Variants in CORO2B observed in about 807,000 individuals in gnomAD.
CORO2B encodes the protein coronin 2B.
CORO2B carries 26 observed loss-of-function variants against 58.8 expected under a neutral mutation model. That is an observed-to-expected ratio of 0.44 (90% CI 0.32 to 0.61). The LOEUF (loss-of-function observed/expected upper bound fraction) is 0.61. CORO2B is among the 20% of genes least tolerant of loss of function. The probability of loss-of-function intolerance (pLI) is 0.04; values close to 1 mark genes in which losing one functional copy is unlikely to be tolerated. For synonymous variants in CORO2B, 242 were observed against 253.8 expected (o/e 0.95, Z 0.44); for missense variants, 460 against 645.1 (o/e 0.71, Z 3.11).
intron 1 of CORO2B, among the ~76,000 whole-genome samples, chr15:68,641,332 T>C (rs1901218467): frequency 6.6e-6 from 1 of 152,134 alleles, no homozygotes; most frequent in Admixed American, 6.5e-5. Flanking sequence ...CAACAGGAGA[T>C]GGATAAGGAG....
chr15:68,577,415 C>T (rs1899308608), upstream of CORO2B, among the ~76,000 whole-genome samples: 2 of 152,092 alleles, frequency 1.3e-5, no homozygotes, highest in Admixed American at 6.5e-5. Flanking sequence ...TTTAGGACTC[C>T]CAAGAAAATG....
intron 1 of CORO2B, among the ~76,000 whole-genome samples, chr15:68,621,968 G>A (rs1430079928): frequency 1.3e-5 from 2 of 151,936 alleles, no homozygotes; most frequent in Non-Finnish European, 2.9e-5. Context: ...TTCTCACTAT[G>A]TTGCCCAGGC....
chr15:68,720,356 A>G (rs1190672285), intron 11 of CORO2B, among the ~76,000 whole-genome samples: 2 of 152,220 alleles, frequency 1.3e-5, no homozygotes, highest in African/African-American at 2.4e-5. Flanking sequence ...TTAAGTGCTC[A>G]GAGAAAAAGG....
intron 1 of CORO2B, among the ~76,000 whole-genome samples, chr15:68,603,855 C>T (rs573175371): frequency 6.6e-6 from 1 of 152,280 alleles, no homozygotes; most frequent in South Asian, 2.1e-4. Context: ...TTATGGCAGC[C>T]TGAGCAGGCT....
the CORO2B span, among the ~76,000 whole-genome samples, chr15:68,521,885 T>C: frequency 2.6e-5 from 4 of 151,922 alleles, no homozygotes; most frequent in African/African-American, 9.7e-5. Flanking sequence ...CTGGCCAACA[T>C]GGCAAAACCC....
At chr15:68,553,639 G>T in the CORO2B span, among the ~76,000 whole-genome samples, 40 of 152,364 alleles carry the variant, frequency 2.6e-4, no homozygotes, top group East Asian at 5.6e-3. Context: ...GTTACAAGTG[G>T]AAGGCTTCTT....
the CORO2B span, among the ~76,000 whole-genome samples, chr15:68,545,390 C>T: frequency 1.3e-5 from 2 of 152,196 alleles, no homozygotes; most frequent in Admixed American, 6.5e-5. Context: ...ACCCCTCCCC[C>T]AGCTCCAGCC....
chr15:68,667,101 C>A (rs867904377), intron 2 of CORO2B, among the ~76,000 whole-genome samples: 2 of 152,136 alleles, frequency 1.3e-5, no homozygotes, highest in Admixed American at 6.5e-5. Flanking sequence ...CATGCTCCCC[C>A]ACCCCTACTC....
intron 2 of CORO2B, among the ~76,000 whole-genome samples, chr15:68,662,020 A>AT (rs200553647): frequency 8.8e-4 from 134 of 151,698 alleles, no homozygotes; most frequent in Middle Eastern, 3.4e-3. Flanking sequence ...AAATAAATAA[A>AT]TAAATAAATT....
the CORO2B span, among the ~76,000 whole-genome samples, chr15:68,540,906 A>G: frequency 6.6e-6 from 1 of 152,222 alleles, no homozygotes; most frequent in Admixed American, 6.5e-5. Flanking sequence ...CAGTAAAAAA[A>G]GAGGATTATT....
chr15:68,606,766 T>G (rs987090384), intron 1 of CORO2B, among the ~76,000 whole-genome samples: 1 of 152,128 alleles, frequency 6.6e-6, no homozygotes, highest in Non-Finnish European at 1.5e-5. Context: ...GAGTTATGTT[T>G]CCTCTGATAT....
chr15:68,606,002 C>G (rs1393235492), intron 1 of CORO2B, among the ~76,000 whole-genome samples: 1 of 151,668 alleles, frequency 6.6e-6, no homozygotes, highest in Non-Finnish European at 1.5e-5. Context: ...GGGATTATAG[C>G]AGTGAGCCAC....
At chr15:68,706,703 T>C (rs1343116342) in intron 3 of CORO2B, among the ~76,000 whole-genome samples, 1 of 152,028 alleles carries the variant, frequency 6.6e-6, no homozygotes, top group African/African-American at 2.4e-5. Flanking sequence ...AAAAGATGCC[T>C]GGTATTTTTT....
intron 1 of CORO2B, among the ~76,000 whole-genome samples, chr15:68,591,752 G>T (rs565065195): frequency 6.6e-6 from 1 of 152,330 alleles, no homozygotes; most frequent in Admixed American, 6.5e-5. Context: ...CCACTCCATG[G>T]TATGGGCCTT....
chr15:68,662,387 C>T (rs541387371), intron 2 of CORO2B, among the ~76,000 whole-genome samples: 9 of 152,302 alleles, frequency 5.9e-5, no homozygotes, highest in African/African-American at 2.2e-4. Flanking sequence ...GGTTTTCATG[C>T]CTGCTGGCAT....
the CORO2B span, among the ~76,000 whole-genome samples, chr15:68,568,056 C>A: frequency 3.3e-5 from 5 of 152,142 alleles, no homozygotes; most frequent in Admixed American, 6.5e-5. Context: ...TGGCTATGAT[C>A]ATCATTTGTT....
chr15:68,714,110 A>C, intron 6 of CORO2B, 69 bp downstream of exon 6: 1 of 1,025,314 alleles, frequency 9.8e-7, no homozygotes, highest in South Asian at 1.4e-5. Flanking sequence ...TCACTTCCTC[A>C]GAAAGTCAGG....
intron 1 of CORO2B, among the ~76,000 whole-genome samples, chr15:68,604,116 G>A (rs904960829): frequency 3.9e-5 from 6 of 152,110 alleles, no homozygotes; most frequent in East Asian, 3.9e-4. Context: ...CACAGAGCCC[G>A]GCACACAGTC....
At chr15:68,686,031 T>C (rs1430743728) in intron 2 of CORO2B, among the ~76,000 whole-genome samples, 2 of 150,042 alleles carry the variant, frequency 1.3e-5, no homozygotes, top group Non-Finnish European at 3.0e-5. Context: ...TTTTTTTTTT[T>C]TTTTTTCTTT....
Sources: allele counts gnomAD v4.1 joint callset (sites outside exome capture counted in the v4.1 genomes callset), GRCh38; gene constraint gnomAD v4.1.1; transcripts MANE v1.5; gene names NCBI Gene and HGNC (gene_info 2026-07-23, HGNC 2026-07-21).